Variants in TOM1L2 observed in about 807,000 individuals in gnomAD.
TOM1L2 encodes the protein TOM1-like protein 2.
TOM1L2 carries 31 observed loss-of-function variants against 67.9 expected under a neutral mutation model. The ratio of observed to expected loss-of-function variants is 0.46; its 90% confidence interval spans 0.34 to 0.62. The LOEUF (loss-of-function observed/expected upper bound fraction) is 0.62, where lower values mean the gene tolerates loss of function less well. TOM1L2 is among the 20% of genes least tolerant of loss of function. The pLI is 0.01. For synonymous variants in TOM1L2, 256 were observed against 254.0 expected, an observed-to-expected ratio of 1.01 and a Z score of -0.07; for missense variants, 606 against 663.5, an observed-to-expected ratio of 0.91 and a Z score of 0.95.
intron 1 of TOM1L2, among the ~76,000 whole-genome samples, chr17:17,949,072 G>A (rs2041074043): frequency 6.6e-6 from 1 of 152,228 alleles, no homozygotes; most frequent in African/African-American, 2.4e-5. Flanking sequence ...GGTGAAAGCA[G>A]GTCAGGGACA....
intron 12 of TOM1L2, among the ~76,000 whole-genome samples, chr17:17,853,780 A>T (rs893173227): frequency 1.3e-5 from 2 of 152,138 alleles, no homozygotes; most frequent in African/African-American, 4.8e-5. Flanking sequence ...AGAGCTCCTG[A>T]GTTTCTTCTA....
chr17:17,915,696 A>C (rs755654975), intron 1 of TOM1L2, among the ~76,000 whole-genome samples: 10 of 152,036 alleles, frequency 6.6e-5, no homozygotes, highest in Non-Finnish European at 1.5e-4. Flanking sequence ...TCTTTAAAAA[A>C]ATTTATGTAG....
chr17:17,953,960 G>A (rs948785784), intron 1 of TOM1L2, among the ~76,000 whole-genome samples: 1 of 152,242 alleles, frequency 6.6e-6, no homozygotes, highest in African/African-American at 2.4e-5. Flanking sequence ...GACAGGCATA[G>A]GACAGGGCAA....
chr17:17,911,086 T>A, intron 1 of TOM1L2, among the ~76,000 whole-genome samples: 1 of 152,202 alleles, frequency 6.6e-6, no homozygotes, highest in South Asian at 2.1e-4. Context: ...CAGGGCTGCC[T>A]TAGGTTTCAG....
chr17:17,942,548 T>C (rs1310498207), intron 1 of TOM1L2, among the ~76,000 whole-genome samples: 1 of 152,164 alleles, frequency 6.6e-6, no homozygotes, highest in East Asian at 1.9e-4. Flanking sequence ...GGCCGATATG[T>C]ATGGGCCGAT....
intron 1 of TOM1L2, among the ~76,000 whole-genome samples, chr17:17,918,930 T>C (rs2039741530): frequency 6.6e-6 from 1 of 152,220 alleles, no homozygotes; most frequent in Non-Finnish European, 1.5e-5. Flanking sequence ...AGTAAAATGA[T>C]GATTATAAAC....
At chr17:17,952,290 A>G (rs938302685) in intron 1 of TOM1L2, among the ~76,000 whole-genome samples, 1 of 151,290 alleles carries the variant, frequency 6.6e-6, no homozygotes, top group Admixed American at 6.6e-5. Context: ...TGCGCCACAC[A>G]CTAAGCAGCT....
At chr17:17,932,575 A>G (rs1033569787) in intron 1 of TOM1L2, among the ~76,000 whole-genome samples, 1 of 152,200 alleles carries the variant, frequency 6.6e-6, no homozygotes, top group Non-Finnish European at 1.5e-5. Flanking sequence ...CCTCAGAAGT[A>G]GCATGGCTGT....
At position 17,928,617 on chromosome 17, in the gene TOM1L2, T is replaced by A. The variant is rs145970344; in HGVS notation, c.53-21086A>T. Among the ~76,000 whole-genome samples the A allele has an allele frequency of 2.3e-3, 343 of 152,292 alleles. 1 individual carries two copies. Among genetic ancestry groups the A allele is most frequent in the Admixed American group, 3.7e-3 (57 of 15,298 alleles). The stretch of plus-strand genomic sequence containing the variant: ...CACACACGAGATGAATTAATTGCAC[T>A]CTTCTGGGATCTCACAGTCCTCACT... On this transcript the variant is annotated intron_variant, in intron 1 of 14. Transcript: ENST00000379504.
At position 17,869,459 on chromosome 17, in the gene TOM1L2, G is replaced by T; in HGVS notation, c.792C>A (p.Thr264=). ...CGATGCGCTGCTGCATGGCCCGACAGGTCCTGTTGAGCTCCTAGGGAACAC... is the reference window on the plus strand; with the variant it reads ...CGATGCGCTGCTGCATGGCCCGACATGTCCTGTTGAGCTCCTAGGGAACAC... ...DLELLQELNR[T]CRAMQQRIVE... Residue 264 remains threonine (T), a synonymous_variant, in exon 8 of 15, where the codon ACC becomes ACA. Transcript: ENST00000379504. 6.2e-7 allele frequency: 1 copy of T among 1,608,960 alleles called. No individual in the cohort carries two copies. The highest frequency in any genetic ancestry group is 1.1e-5 in the South Asian group (1 of 90,724).
intron 3 of TOM1L2, among the ~76,000 whole-genome samples, chr17:17,897,949 G>A (rs1452744918): frequency 2.3e-4 from 32 of 140,790 alleles, no homozygotes; most frequent in Admixed American, 5.9e-4. Flanking sequence ...TTTTTGAGAC[G>A]AAGTCTCACT....
chr17:17,969,139 C>T (rs888314330), intron 1 of TOM1L2, among the ~76,000 whole-genome samples: 1 of 151,910 alleles, frequency 6.6e-6, no homozygotes, highest in Admixed American at 6.6e-5. Flanking sequence ...TCACTGCAAC[C>T]TCTGCCTCCC....
In TOM1L2 at chr17:17,844,914, T is replaced by G. The variant is rs2035563076; in HGVS notation, c.*2721A>C. ...CCAGCAATAATTTAGTGTAATTAAG[T>G]ATATACTGTATCTGTGATTTCTAAC... is the stretch of plus-strand genomic sequence containing the variant. On this transcript the variant is annotated 3_prime_UTR_variant, in exon 15 of 15. Transcript: ENST00000379504. 1 of 152,458 alleles carries G rather than the reference T, an allele frequency of 6.6e-6. No homozygotes were observed. The allele number at this position is 152,458 out of a possible 1,614,324, so 9.4% of individuals were successfully genotyped here.
At chr17:17,941,320 G>A (rs1324917612) in intron 1 of TOM1L2, among the ~76,000 whole-genome samples, 4 of 152,078 alleles carry the variant, frequency 2.6e-5, no homozygotes, top group South Asian at 4.1e-4. Context: ...AGGACTGGTC[G>A]CAGTCCAAGG....
chr17:17,958,638 G>A (rs564822254), intron 1 of TOM1L2, among the ~76,000 whole-genome samples: 1 of 152,168 alleles, frequency 6.6e-6, no homozygotes, highest in Admixed American at 6.5e-5. Context: ...TCATAAAACT[G>A]AGTCACTGTG....
At chr17:17,922,544 A>C (rs2039919771) in intron 1 of TOM1L2, among the ~76,000 whole-genome samples, 1 of 152,202 alleles carries the variant, frequency 6.6e-6, no homozygotes, top group Non-Finnish European at 1.5e-5. Flanking sequence ...ACAGGACAGC[A>C]TGTTGGTCAA....
chr17:17,848,979 T>C, intron 13 of TOM1L2, 120 bp from the exon 14 acceptor site: 1 of 812,170 alleles, frequency 1.2e-6, no homozygotes, highest in South Asian at 1.7e-5. Context: ...TGAACAAAAC[T>C]TCCTAATTTT....
At chr17:17,868,417 T>C (rs971050427) in intron 8 of TOM1L2, among the ~76,000 whole-genome samples, 1 of 152,228 alleles carries the variant, frequency 6.6e-6, no homozygotes, top group Non-Finnish European at 1.5e-5. Flanking sequence ...CCCTAACTGA[T>C]GCCAGGTCCT....
intron 3 of TOM1L2, among the ~76,000 whole-genome samples, chr17:17,895,910 G>T (rs955038019): frequency 2.6e-5 from 4 of 152,190 alleles, no homozygotes; most frequent in Non-Finnish European, 5.9e-5. Flanking sequence ...GACTCCCCAT[G>T]CCAGGCAGCT....
Sources: gnomAD v4.1 joint callset for allele counts (sites outside exome capture counted in the v4.1 genomes callset) on GRCh38, gnomAD v4.1.1 for gene constraint, MANE v1.5 for transcripts, NCBI Gene and HGNC (gene_info 2026-07-23, HGNC 2026-07-21) for gene names.